SAE1: variants seen among roughly 807,000 people sequenced by gnomAD.
SAE1 encodes SUMO1 activating enzyme subunit 1.
A neutral mutation model predicts 40.6 loss-of-function variants in SAE1; 11 were observed. The ratio of observed to expected loss-of-function variants is 0.27; its 90% confidence interval spans 0.17 to 0.45. SAE1 has a LOEUF of 0.45. SAE1 is among the 20% of genes least tolerant of loss of function. The pLI, the probability that SAE1 is intolerant of heterozygous loss-of-function variation, is 1.00. For synonymous variants in SAE1, 155 were observed against 154.3 expected, an observed-to-expected ratio of 1.00 and a Z score of -0.03; for missense variants, 373 against 427.3, an observed-to-expected ratio of 0.87 and a Z score of 1.12.
intron 8 of SAE1, 78 bp downstream of exon 8, chr19:47,203,818 T>C: frequency 7.9e-7 from 1 of 1,263,648 alleles, no homozygotes; most frequent in Non-Finnish European, 1.2e-6. Flanking sequence ...GAAACTGTCT[T>C]AGACAGCTGC....
intron 5 of SAE1, among the ~76,000 whole-genome samples, chr19:47,167,899 C>T (rs527508932): frequency 4.6e-5 from 7 of 152,122 alleles, no homozygotes; most frequent in Non-Finnish European, 1.0e-4. Context: ...GTTCTAAGAA[C>T]TGCTTTTTTC....
At chr19:47,203,540 C>A in intron 7 of SAE1, 131 bp from the exon 8 acceptor site, 1 of 728,186 alleles carries the variant, frequency 1.4e-6, no homozygotes, top group Non-Finnish European at 2.4e-6. Context: ...AGCATTAACA[C>A]TGCTATCTGA....
chr19:47,144,792 G>A (rs2058245035), intron 2 of SAE1, among the ~76,000 whole-genome samples: 1 of 152,164 alleles, frequency 6.6e-6, no homozygotes, highest in African/African-American at 2.4e-5. Context: ...AACCTAACAA[G>A]TATCCAGTAA....
chr19:47,193,579 T>C (rs2058593395), intron 6 of SAE1, among the ~76,000 whole-genome samples: 1 of 151,358 alleles, frequency 6.6e-6, no homozygotes, highest in Non-Finnish European at 1.5e-5. Flanking sequence ...TCCAGCACTT[T>C]GGGGGGCCAA....
intron 8 of SAE1, among the ~76,000 whole-genome samples, chr19:47,205,537 G>T (rs1318918024): frequency 6.6e-6 from 1 of 152,104 alleles, no homozygotes; most frequent in Admixed American, 6.6e-5. Flanking sequence ...TCTGAGAAGA[G>T]GGTAATGGCC....
intron 5 of SAE1, among the ~76,000 whole-genome samples, chr19:47,163,728 AAAAT>A (rs996069051): frequency 6.6e-6 from 1 of 152,124 alleles, no homozygotes; most frequent in African/African-American, 2.4e-5. Context: ...CTCTATCTCA[AAAAT>A]AAATAAATAA....
chr19:47,199,822 C>G (rs1309467512), intron 7 of SAE1, among the ~76,000 whole-genome samples: 1 of 152,110 alleles, frequency 6.6e-6, no homozygotes, highest in Non-Finnish European at 1.5e-5. Flanking sequence ...GAGATGAGTG[C>G]CCCAGTGAGT....
chr19:47,166,101 T>C (rs1336501323), intron 5 of SAE1, among the ~76,000 whole-genome samples: 1 of 152,196 alleles, frequency 6.6e-6, no homozygotes, highest in Non-Finnish European at 1.5e-5. Flanking sequence ...TTCTCAGGAC[T>C]TTTTGTGGGC....
intron 6 of SAE1, among the ~76,000 whole-genome samples, chr19:47,178,212 C>G (rs1459195897): frequency 3.7e-5 from 3 of 81,658 alleles, no homozygotes; most frequent in Non-Finnish European, 8.0e-5. Context: ...CACTGCACTC[C>G]AGCCTGACGA....
chr19:47,186,245 T>TA (rs2058543892), intron 6 of SAE1, among the ~76,000 whole-genome samples: 3 of 143,318 alleles, frequency 2.1e-5, no homozygotes, highest in Admixed American at 1.4e-4. Context: ...GTCTCAAAAA[T>TA]AAAAATAAAA....
intron 1 of SAE1, among the ~76,000 whole-genome samples, chr19:47,140,298 G>A (rs1240974797): frequency 4.0e-5 from 6 of 151,840 alleles, no homozygotes; most frequent in Admixed American, 2.0e-4. Flanking sequence ...AGTAGAGATA[G>A]GGTTTCACCT....
intron 6 of SAE1, among the ~76,000 whole-genome samples, chr19:47,176,541 T>C (rs466477): frequency 0.76 from 115,032 of 152,090 alleles, 43,604 homozygotes; most frequent in Admixed American, 0.8. Flanking sequence ...AGAGGGAGAG[T>C]AGTGTGCCCA....
At chr19:47,199,690 G>C (rs1208730169) in intron 7 of SAE1, among the ~76,000 whole-genome samples, 1 of 152,130 alleles carries the variant, frequency 6.6e-6, no homozygotes, top group Non-Finnish European at 1.5e-5. Context: ...GCTGCCGCTT[G>C]CCACTGGCTG....
chr19:47,209,247 A>G lies in SAE1; in HGVS notation c.1037A>G (p.Lys346Arg). 3 of 1,614,174 alleles carry G rather than the reference A, an allele frequency of 1.9e-6. No homozygotes were observed. Among genetic ancestry groups the G allele is most frequent in the Non-Finnish European group, 2.5e-6 (3 of 1,180,022 alleles). ...GNGIVECLGP[K>R] ...GGGATTGTGGAGTGCCTTGGCCCCA[A>G]GTGAACTCAAGATTTGGCAGCCCCA... The change falls in exon 9 of 9, where the codon AAG (lysine) becomes AGG (arginine). Residue 346 changes from lysine to arginine, a missense_variant. By Grantham distance (26) the Lys-to-Arg change is conservative. This residue lies in a region of SAE1 where 351 missense variants were observed against 390.6 expected (regional missense o/e 0.90). Transcript: ENST00000270225.
intron 2 of SAE1, 45 bp downstream of exon 2, chr19:47,143,650 T>TC (rs758378974): frequency 9.8e-6 from 14 of 1,427,276 alleles, no homozygotes. Context: ...GGCTCCCCTT[T>TC]CCAGCATGAA....
At chr19:47,173,416 G>A (rs2058447630) in intron 6 of SAE1, among the ~76,000 whole-genome samples, 1 of 152,112 alleles carries the variant, frequency 6.6e-6, no homozygotes, top group African/African-American at 2.4e-5. Flanking sequence ...CTGATGTCCA[G>A]TAGCACCTGC....
chr19:47,135,284 T>C (rs967645234), intron 1 of SAE1, among the ~76,000 whole-genome samples: 1 of 152,164 alleles, frequency 6.6e-6, no homozygotes, highest in Non-Finnish European at 1.5e-5. Flanking sequence ...TGTATTTAAT[T>C]ATATTTTTGT....
intron 6 of SAE1, among the ~76,000 whole-genome samples, chr19:47,171,480 G>A (rs535503540): frequency 6.6e-6 from 1 of 151,244 alleles, no homozygotes; most frequent in East Asian, 2.0e-4. Flanking sequence ...TTTTGAGATG[G>A]AGTCTCACTC....
chr19:47,188,581 T>G (rs1005537214), intron 6 of SAE1, among the ~76,000 whole-genome samples: 12 of 152,142 alleles, frequency 7.9e-5, no homozygotes, highest in Non-Finnish European at 1.6e-4. Flanking sequence ...GGACTTTGCT[T>G]AAGAGCAGTG....
Sources: gnomAD v4.1 joint callset for allele counts (sites outside exome capture counted in the v4.1 genomes callset) on GRCh38, gnomAD v4.1.1 for gene constraint, gnomAD v4.1.1 regional missense constraint, MANE v1.5 for transcripts, NCBI Gene and HGNC (gene_info 2026-07-23, HGNC 2026-07-21) for gene names.